Variants in ZNF385B observed in about 807,000 individuals in gnomAD.
ZNF385B encodes zinc finger protein 385B.
Under a neutral mutation model 39.2 loss-of-function variants are expected in ZNF385B, and 23 were observed. The observed-to-expected ratio is 0.59, with a 90% CI of 0.42 to 0.83. The LOEUF (loss-of-function observed/expected upper bound fraction) is 0.83. Among genes scored for constraint, ZNF385B ranks in the 40% least tolerant of loss-of-function variants. The pLI, the probability that ZNF385B is intolerant of heterozygous loss-of-function variation, is 0.00. For synonymous variants in ZNF385B, 205 were observed against 222.6 expected (o/e 0.92, Z 0.70); for missense variants, 552 against 598.9 (o/e 0.92, Z 0.82).
At chr2:179,545,519 T>C (rs547849913) in intron 3 of ZNF385B, among the ~76,000 whole-genome samples, 2 of 152,322 alleles carry the variant, frequency 1.3e-5, no homozygotes, top group South Asian at 4.1e-4. Flanking sequence ...AAGTTGCTCT[T>C]ACTTTGAAGT....
chr2:179,810,214 T>A (rs938715740), intron 1 of ZNF385B, among the ~76,000 whole-genome samples: 8 of 151,850 alleles, frequency 5.3e-5, no homozygotes, highest in Admixed American at 5.2e-4. Context: ...TTTTAAGTGA[T>A]TGTTTTATAA....
chr2:179,715,111 G>T (rs1700252265), intron 3 of ZNF385B, among the ~76,000 whole-genome samples: 1 of 152,002 alleles, frequency 6.6e-6, no homozygotes, highest in Admixed American at 6.6e-5. Context: ...ACACATGCAA[G>T]CCATTAAGAC....
intron 5 of ZNF385B, among the ~76,000 whole-genome samples, chr2:179,516,811 T>A (rs184807426): frequency 2.7e-5 from 4 of 149,994 alleles, no homozygotes; most frequent in South Asian, 2.1e-4. Context: ...TAAGAAATCT[T>A]TGCCTAATGC....
At chr2:179,546,656 G>A (rs184181952) in intron 3 of ZNF385B, among the ~76,000 whole-genome samples, 91 of 152,170 alleles carry the variant, frequency 6.0e-4, no homozygotes, top group Middle Eastern at 3.4e-3. Context: ...CCAAATCTTG[G>A]CTATTGTGAA....
At chr2:179,714,722 G>C (rs533101792) in intron 3 of ZNF385B, among the ~76,000 whole-genome samples, 1 of 151,996 alleles carries the variant, frequency 6.6e-6, no homozygotes, top group South Asian at 2.1e-4. Context: ...GAGGCGGGCG[G>C]ATCACCTGAG....
chr2:179,709,456 G>C (rs543997427), intron 3 of ZNF385B, among the ~76,000 whole-genome samples: 1 of 152,284 alleles, frequency 6.6e-6, no homozygotes, highest in East Asian at 1.9e-4. Flanking sequence ...CACATGGAAG[G>C]ACATTCCCCA....
chr2:179,712,850 C>T (rs1423815474), intron 3 of ZNF385B, among the ~76,000 whole-genome samples: 2 of 152,164 alleles, frequency 1.3e-5, no homozygotes, highest in Non-Finnish European at 1.5e-5. Flanking sequence ...GGCTTATTAA[C>T]ACAATATTTA....
chr2:179,546,594 T>C (rs905280876), intron 3 of ZNF385B, among the ~76,000 whole-genome samples: 2 of 152,336 alleles, frequency 1.3e-5, no homozygotes, highest in Admixed American at 6.5e-5. Context: ...ACTGTATATA[T>C]GTAACTCATT....
intron 3 of ZNF385B, among the ~76,000 whole-genome samples, chr2:179,568,851 C>A (rs373024066): frequency 1.4e-4 from 21 of 152,268 alleles, no homozygotes; most frequent in Middle Eastern, 3.4e-3. Context: ...TTAGCTAGAG[C>A]TTTCTTAAGA....
chr2:179,711,776 G>A (rs1365134121), intron 3 of ZNF385B, among the ~76,000 whole-genome samples: 2 of 151,868 alleles, frequency 1.3e-5, no homozygotes, highest in South Asian at 2.1e-4. Context: ...TAAATAAGTG[G>A]TAGCAGTTCT....
chr2:179,624,108 G>A (rs1027454417), intron 3 of ZNF385B, among the ~76,000 whole-genome samples: 1 of 152,022 alleles, frequency 6.6e-6, no homozygotes, highest in Non-Finnish European at 1.5e-5. Context: ...TCATTTTTAA[G>A]AGCCTACTTG....
At chr2:179,776,872 AC>A (rs1338867179) in intron 1 of ZNF385B, among the ~76,000 whole-genome samples, 1 of 152,142 alleles carries the variant, frequency 6.6e-6, no homozygotes, top group Non-Finnish European at 1.5e-5. Flanking sequence ...TGATGGGCAA[AC>A]AGGCTGGGAC....
chr2:179,497,202 C>T (rs564486664), intron 5 of ZNF385B, among the ~76,000 whole-genome samples: 44 of 152,188 alleles, frequency 2.9e-4, no homozygotes, highest in Admixed American at 2.0e-3. Flanking sequence ...TAAATAATCA[C>T]GTGAAGGTAC....
In ZNF385B at chr2:179,493,783, A is replaced by ATATATGTATATG. The variant is rs1559338449; in HGVS notation, c.553-10350_553-10349insCATATACATATA. ...TATATGTATACATATATGTATATAC[A>ATATATGTATATG]CATATGTATACATATATGTATATAT... On this transcript the variant is annotated intron_variant, in intron 5 of 9. Transcript: ENST00000410066. Among the ~76,000 whole-genome samples the ATATATGTATATG allele has an allele frequency of 4.1e-3, 418 of 103,006 alleles. 25 individuals are homozygous for ATATATGTATATG. The highest frequency in any genetic ancestry group is 9.3e-3 in the African/African-American group (269 of 29,022). 67.6% of individuals were successfully genotyped at this position (103,006 alleles called of 152,430 possible).
intron 3 of ZNF385B, among the ~76,000 whole-genome samples, chr2:179,592,520 CA>C (rs1337223806): frequency 3.3e-5 from 5 of 152,028 alleles, no homozygotes; most frequent in African/African-American, 9.7e-5. Flanking sequence ...GTCTTTACCA[CA>C]GCAGGAACTC....
intron 1 of ZNF385B, among the ~76,000 whole-genome samples, chr2:179,850,441 G>A (rs1289201930): frequency 6.6e-6 from 1 of 152,178 alleles, no homozygotes; most frequent in Non-Finnish European, 1.5e-5. Flanking sequence ...CTCATATTGA[G>A]TTGAAATTTG....
Position 179,554,746 on chromosome 2 carries a change from C to T in ZNF385B, c.299-9777G>A, listed in dbSNP as rs577491758. ...AAAATGGCCAATAAACATACAAAAA[C>T]GGTGCTTAACTTCATTAGTAGTTAG... On this transcript the variant is annotated intron_variant, in intron 3 of 9. Transcript: ENST00000410066. Among the ~76,000 whole-genome samples the T allele has an allele frequency of 8.1e-5, 12 of 149,026 alleles. No homozygotes were observed. The South Asian group carries it at 2.2e-3, about 27-fold the overall frequency.
chr2:179,639,823 GATA>G (rs983190320), intron 3 of ZNF385B, among the ~76,000 whole-genome samples: 1 of 152,178 alleles, frequency 6.6e-6, no homozygotes, highest in African/African-American at 2.4e-5. Context: ...TCACTGTGCA[GATA>G]ATGTTTGAAT....
intron 1 of ZNF385B, among the ~76,000 whole-genome samples, chr2:179,836,466 T>C (rs1708249805): frequency 6.6e-6 from 1 of 151,434 alleles, no homozygotes; most frequent in African/African-American, 2.4e-5. Flanking sequence ...CTCATATTTC[T>C]TGTAAAAAAC....
Sources: gnomAD v4.1 joint callset for allele counts (sites outside exome capture counted in the v4.1 genomes callset) on GRCh38, gnomAD v4.1.1 for gene constraint, MANE v1.5 for transcripts, NCBI Gene and HGNC (gene_info 2026-07-23, HGNC 2026-07-21) for gene names.